The following IL10RA variants were observed in gnomAD, a reference collection of about 807,000 sequenced individuals.
IL10RA encodes interleukin 10 receptor subunit alpha, also known as interleukin-10 receptor subunit alpha.
In IL10RA, 18 loss-of-function variants were observed where a neutral mutation model predicts 29.6. That is an observed-to-expected ratio of 0.61 (90% CI 0.42 to 0.90). The LOEUF is 0.90. Ranked by LOEUF, IL10RA falls within the 40% of genes least tolerant of loss-of-function variation. IL10RA has a pLI of 0.00. For synonymous variants in IL10RA, 292 were observed against 294.1 expected, an observed-to-expected ratio of 0.99 and a Z score of 0.07; for missense variants, 634 against 716.6, an observed-to-expected ratio of 0.88 and a Z score of 1.32.
chr11:117,989,589 C>G lies in IL10RA; in HGVS notation c.336C>G (p.Thr112=), dbSNP rs192749274. Residue 112 remains threonine, a synonymous_variant, in exon 3 of 7, where the codon ACC becomes ACG. Coordinates refer to ENST00000227752, the MANE Select transcript of IL10RA (RefSeq NM_001558.4). This position sits in a 1 kb window ranked among gnomAD's most constrained non-coding sequence, Gnocchi z 4.5. ...AVDGSRHSNW[T]VTNTRFSVDE... ...ACGGCAGCCGGCACTCCAACTGGAC[C>G]GTCACCAACACCCGCTTCTCTGTGG... 3.1e-6 allele frequency: 5 copies of G among 1,614,118 alleles called. No individual in the cohort carries two copies. The highest frequency in any genetic ancestry group is 2.2e-5 in the South Asian group (2 of 91,074).
chr11:117,996,090 T>G (rs1011849887), intron 6 of IL10RA, among the ~76,000 whole-genome samples: 2 of 152,200 alleles, frequency 1.3e-5, no homozygotes, highest in African/African-American at 4.8e-5. Flanking sequence ...ACAGAGAGAT[T>G]GTTACACACA....
Position 117,999,191 on chromosome 11 carries a change from G to A in IL10RA, c.1287G>A (p.Glu429=), listed in dbSNP as rs764084591. ...GSALGHHSPP[E]PEVPGEEDPA... Reference sequence around the variant, plus strand: ...CCTTGGGCCACCACAGTCCCCCGGAGCCTGAGGTGCCTGGGGAAGAAGACC... The same window carrying A: ...CCTTGGGCCACCACAGTCCCCCGGAACCTGAGGTGCCTGGGGAAGAAGACC... Residue 429 remains glutamate (E), a synonymous_variant, in exon 7 of 7, where the codon GAG becomes GAA. Coordinates refer to ENST00000227752, the MANE Select transcript of IL10RA (RefSeq NM_001558.4). The A allele has an allele frequency of 2.5e-6, 4 of 1,614,246 alleles. No individual in the cohort carries two copies. The highest frequency in any genetic ancestry group is 3.4e-6 in the Non-Finnish European group (4 of 1,180,036).
At chr11:117,995,837 T>A in intron 6 of IL10RA, 127 bp downstream of exon 6, 1 of 988,616 alleles carries the variant, frequency 1.0e-6, no homozygotes, top group Non-Finnish European at 1.5e-6. Flanking sequence ...AGCCCTGATG[T>A]GATTGGGAGA....
In IL10RA at chr11:117,998,821, C is replaced by T; in HGVS notation, c.917C>T (p.Pro306Leu). The T allele has an allele frequency of 7.4e-6, 12 of 1,614,182 alleles. No homozygotes were observed. Among genetic ancestry groups the T allele is most frequent in the Non-Finnish European group, 1.0e-5 (12 of 1,180,020 alleles). Reference sequence around the variant, plus strand: ...GAGGAGGCCTTTTTGAAGGTGTCCCCAGAGCTGAAGAACTTGGACCTGCAC... The same window carrying T: ...GAGGAGGCCTTTTTGAAGGTGTCCCTAGAGCTGAAGAACTTGGACCTGCAC... ...LDEEAFLKVS[P>L]ELKNLDLHGS... Residue 306 changes from proline (P) to leucine (L), a missense_variant, in exon 7 of 7, where the codon CCA becomes CTA. Coordinates refer to ENST00000227752, the MANE Select transcript of IL10RA (RefSeq NM_001558.4).
At chr11:117,991,746 T>C (rs139429227) in intron 3 of IL10RA, among the ~76,000 whole-genome samples, 34 of 152,302 alleles carry the variant, frequency 2.2e-4, no homozygotes, top group African/African-American at 7.5e-4. Flanking sequence ...TCCTTTTTTT[T>C]CAATTTGAGA....
chr11:117,997,837 A>G (rs1022694881), intron 6 of IL10RA, among the ~76,000 whole-genome samples: 7 of 152,158 alleles, frequency 4.6e-5, no homozygotes, highest in Non-Finnish European at 7.4e-5. Flanking sequence ...TGCTTTAGGC[A>G]AGGTATTCAG....
rs956790468 is a variant in IL10RA, at chr11:117,999,820, G to A, written c.*179G>A. The A allele has an allele frequency of 2.8e-6, 2 of 705,134 alleles. No individual in the cohort carries two copies. The highest frequency in any genetic ancestry group is 5.4e-5 in the East Asian group (2 of 37,320). 43.7% of individuals were successfully genotyped at this position (705,134 alleles called of 1,614,324 possible). On this transcript the variant is annotated 3_prime_UTR_variant, in exon 7 of 7. Coordinates refer to ENST00000227752, the MANE Select transcript of IL10RA (RefSeq NM_001558.4). ...GTCAGGGTGTCTGGGGCAGGAGGAGGCCAACTCACTGAACTAGTGCAGGGT... is the reference window on the plus strand; with the variant it reads ...GTCAGGGTGTCTGGGGCAGGAGGAGACCAACTCACTGAACTAGTGCAGGGT...
At position 117,988,397 on chromosome 11, in the gene IL10RA, G is replaced by A; in HGVS notation, c.83G>A (p.Ser28Asn). ...GSDAHGTELP[S>N]PPSVWFEAEF... ...TTCTCCCCAGGGACAGAGCTGCCCAGCCCTCCGTCTGTGTGGTTTGAAGCA... is the reference window on the plus strand; with the variant it reads ...TTCTCCCCAGGGACAGAGCTGCCCAACCCTCCGTCTGTGTGGTTTGAAGCA... The change falls in exon 2 of 7, where the codon AGC (serine) becomes AAC (asparagine). Residue 28 changes from serine (S) to asparagine (N), a missense_variant. Transcript: ENST00000227752. The A allele has an allele frequency of 1.2e-6, 2 of 1,614,170 alleles. No individual in the cohort carries two copies. The highest frequency in any genetic ancestry group is 1.7e-6 in the Non-Finnish European group (2 of 1,180,034).
chr11:118,002,018 C>A (rs1453615691), downstream of IL10RA: 1 of 155,256 alleles, frequency 6.4e-6, no homozygotes. Flanking sequence ...AGACAGCAAA[C>A]TGGGCCTCCC....
At position 118,000,705 on chromosome 11, in the gene IL10RA, G is replaced by A. The variant is rs771486740; in HGVS notation, c.*1064G>A. On this transcript the variant is annotated 3_prime_UTR_variant, in exon 7 of 7. Transcript: ENST00000227752. ...CAGAGGGCCTCAATCTCCCATCTGT[G>A]AAATAAGGACTCCACCTTTAGGGGA... is the stretch of plus-strand genomic sequence containing the variant. 2.9e-5 allele frequency: 13 copies of A among 454,160 alleles called. No homozygotes were observed. The highest frequency in any genetic ancestry group is 5.7e-5 in the Non-Finnish European group (13 of 226,806). 28.1% of individuals were successfully genotyped at this position (454,160 alleles called of 1,614,324 possible).
chr11:117,997,409 G>A (rs968610067), intron 6 of IL10RA, among the ~76,000 whole-genome samples: 2 of 152,212 alleles, frequency 1.3e-5, no homozygotes, highest in African/African-American at 2.4e-5. Context: ...AAGTAATTTG[G>A]TCAGGGTGAC....
chr11:117,988,152 G>T, intron 1 of IL10RA: 1 of 582,794 alleles, frequency 1.7e-6, no homozygotes, highest in Non-Finnish European at 3.1e-6. Flanking sequence ...GCTCTTCTCA[G>T]CCCCCACTGC....
intron 6 of IL10RA, among the ~76,000 whole-genome samples, chr11:117,996,304 A>C (rs2134992676): frequency 6.6e-6 from 1 of 152,034 alleles, no homozygotes; most frequent in East Asian, 1.9e-4. Context: ...GGGGACAGGG[A>C]GGGGCTCATG....
Position 118,001,254 on chromosome 11 carries a change from C to G in IL10RA, c.*1613C>G, listed in dbSNP as rs1442640530. 2.2e-6 allele frequency: 1 copy of G among 453,978 alleles called. No individual in the cohort carries two copies. Among genetic ancestry groups the G allele is most frequent in the Non-Finnish European group, 4.4e-6 (1 of 226,800 alleles). 28.1% of individuals were successfully genotyped at this position (453,978 alleles called of 1,614,324 possible). ...GAAAGAATTCTGGATATCTCAGGAG[C>G]CCCGAAATTCTAGCTCTGACTTTGC... On this transcript the variant is annotated 3_prime_UTR_variant, in exon 7 of 7. Transcript: ENST00000227752.
In IL10RA at chr11:117,999,994, G is replaced by T. The variant is rs936413336; in HGVS notation, c.*353G>T. On this transcript the variant is annotated 3_prime_UTR_variant, in exon 7 of 7. Coordinates refer to ENST00000227752, the MANE Select transcript of IL10RA (RefSeq NM_001558.4). ...GGGAACCATGGGGCTTTCTGGAGTT[G>T]TGGTGAGGCCACCAGGCTGAAGTCA... The T allele has an allele frequency of 1.5e-5, 7 of 480,766 alleles. No individual in the cohort carries two copies. Among genetic ancestry groups the T allele is most frequent in the Admixed American group, 9.3e-5 (4 of 43,236 alleles). The allele number at this position is 480,766 out of a possible 1,614,324, so 29.8% of individuals were successfully genotyped here.
chr11:117,994,217 G>T, intron 5 of IL10RA, 68 bp downstream of exon 5: 2 of 1,422,346 alleles, frequency 1.4e-6, no homozygotes, highest in Admixed American at 1.8e-5. Context: ...TCCAAAACGC[G>T]TGCACCTGGG....
chr11:117,995,370 G>T (rs554669033), intron 5 of IL10RA: 12 of 607,928 alleles, frequency 2.0e-5, no homozygotes, highest in Middle Eastern at 4.4e-4. Flanking sequence ...AGCAGTTAGC[G>T]CATCTCCTGA....
At chr11:117,996,226 T>C (rs1591264939) in intron 6 of IL10RA, among the ~76,000 whole-genome samples, 2 of 145,274 alleles carry the variant, frequency 1.4e-5, no homozygotes, top group African/African-American at 2.6e-5. Context: ...GCTGCCAGAG[T>C]GGGCCAGAGG....
intron 6 of IL10RA, 97 bp downstream of exon 6, chr11:117,995,807 C>T: frequency 1.5e-6 from 2 of 1,293,220 alleles, no homozygotes; most frequent in South Asian, 2.5e-5. Context: ...AGTCCATTGC[C>T]TTAGCTTGCC....
Sources: allele counts gnomAD v4.1 joint callset (sites outside exome capture counted in the v4.1 genomes callset), GRCh38; gene constraint gnomAD v4.1.1; non-coding constraint Gnocchi (gnomAD v3.1); transcripts MANE v1.5; gene names NCBI Gene and HGNC (gene_info 2026-07-23, HGNC 2026-07-21).